THSD4: variants seen among roughly 807,000 people sequenced by gnomAD.
THSD4 encodes thrombospondin type-1 domain-containing protein 4.
THSD4 carries 69 observed loss-of-function variants against 119.0 expected under a neutral mutation model. The observed-to-expected ratio is 0.58, with a 90% CI of 0.48 to 0.71. The LOEUF (loss-of-function observed/expected upper bound fraction) is 0.71, where lower values mean the gene tolerates loss of function less well. Among genes scored for constraint, THSD4 ranks in the 30% least tolerant of loss-of-function variants. The pLI is 0.00. For synonymous variants in THSD4, 524 were observed against 540.4 expected (o/e 0.97, Z 0.42); for missense variants, 1,393 against 1,391.1 (o/e 1.00, Z -0.02).
At position 71,341,751 on chromosome 15, in the gene THSD4, T is replaced by C. The variant is rs377683723; in HGVS notation, c.1016-69936T>C. On this transcript the variant is annotated intron_variant, in intron 6 of 17. Transcript: ENST00000261862. Reference sequence around the variant, plus strand: ...CTCAGGCTGCTTAGGAAAAGAGCTCTCTCCCTTTTCTTCCTTTTTTCTCCT... The same window carrying C: ...CTCAGGCTGCTTAGGAAAAGAGCTCCCTCCCTTTTCTTCCTTTTTTCTCCT... 3.9e-4 allele frequency: 331 copies of C among 848,878 alleles called. 2 individuals carry two copies. In the African/African-American group the frequency reaches 5.0e-3, roughly 13 times the overall value. 52.6% of individuals were successfully genotyped at this position (848,878 alleles called of 1,614,324 possible). A position where few individuals can be genotyped will look rare whatever the true frequency, so the allele number is the denominator to read the frequency against.
chr15:71,451,899 G>A (rs558730569), intron 7 of THSD4, among the ~76,000 whole-genome samples: 6 of 152,136 alleles, frequency 3.9e-5, no homozygotes, highest in African/African-American at 7.2e-5. Context: ...GCTGCACTTC[G>A]CATTGCCTGG....
chr15:71,120,242 C>CA (rs1490281329), intron 1 of THSD4, among the ~76,000 whole-genome samples: 3 of 152,130 alleles, frequency 2.0e-5, no homozygotes, highest in Non-Finnish European at 4.4e-5. Flanking sequence ...TCCCCTTCCC[C>CA]AGCTTCCCTT....
intron 6 of THSD4, among the ~76,000 whole-genome samples, chr15:71,347,990 A>G (rs1028173595): frequency 6.6e-6 from 1 of 152,204 alleles, no homozygotes; most frequent in African/African-American, 2.4e-5. Context: ...CCATGGGTCT[A>G]TCCCTGTTGC....
At chr15:71,218,653 T>C (rs2043953667) in intron 4 of THSD4, among the ~76,000 whole-genome samples, 2 of 152,218 alleles carry the variant, frequency 1.3e-5, no homozygotes, top group Non-Finnish European at 2.9e-5. Context: ...TCCCGGCTGA[T>C]GAAAATCACA....
At chr15:71,696,266 A>G (rs1321605571) in intron 8 of THSD4, among the ~76,000 whole-genome samples, 1 of 152,214 alleles carries the variant, frequency 6.6e-6, no homozygotes. Flanking sequence ...AACATGGTGG[A>G]GAAGATCAGA....
chr15:71,413,059 T>C (rs181867013), intron 7 of THSD4, among the ~76,000 whole-genome samples: 1 of 152,350 alleles, frequency 6.6e-6, no homozygotes, highest in Non-Finnish European at 1.5e-5. Flanking sequence ...TTGCCCAGGC[T>C]GGAGTGCAGT....
intron 6 of THSD4, among the ~76,000 whole-genome samples, chr15:71,393,764 A>G (rs2140472785): frequency 6.6e-6 from 1 of 152,300 alleles, no homozygotes; most frequent in South Asian, 2.1e-4. Context: ...GAGGCATGAA[A>G]GAAGCCCCAG....
intron 7 of THSD4, among the ~76,000 whole-genome samples, chr15:71,613,081 A>C (rs2050259215): frequency 6.6e-6 from 1 of 152,218 alleles, no homozygotes; most frequent in African/African-American, 2.4e-5. Context: ...ATGCATTTTC[A>C]TTTGTTAATG....
intron 7 of THSD4, among the ~76,000 whole-genome samples, chr15:71,423,523 C>G (rs891252581): frequency 4.6e-5 from 7 of 152,200 alleles, no homozygotes; most frequent in South Asian, 2.1e-4. Flanking sequence ...GGCCTCAGGA[C>G]TTACCTGCTG....
chr15:71,448,245 C>T (rs530112129), intron 7 of THSD4, among the ~76,000 whole-genome samples: 3 of 152,316 alleles, frequency 2.0e-5, no homozygotes, highest in African/African-American at 4.8e-5. Flanking sequence ...TGTCCACATC[C>T]TCATTGAGAA....
In THSD4 at chr15:71,243,062, G is replaced by A. The variant is rs772315562; in HGVS notation, c.878G>A (p.Gly293Glu). Residue 293 changes from glycine to glutamate, a missense_variant, in exon 5 of 18, where the codon GGG becomes GAG. Transcript: ENST00000261862. ...CGATCTACAGCAATCTCATGCATCG[G>A]GGCCTATCGGCAGTACAAGCTGTGC... is the stretch of plus-strand genomic sequence containing the variant. ...PARSTAISCI[G>E]AYRQYKLCNT... 1.9e-6 allele frequency: 3 copies of A among 1,614,016 alleles called. No individual in the cohort carries two copies. The Admixed American group carries it at 5.0e-5, about 27-fold the overall frequency.
chr15:71,383,078 C>A (rs2046247950), intron 6 of THSD4, among the ~76,000 whole-genome samples: 1 of 152,110 alleles, frequency 6.6e-6, no homozygotes, highest in African/African-American at 2.4e-5. Context: ...TTTAAATTAA[C>A]CTGTTAGATT....
chr15:71,667,996 C>A (rs1486950100), intron 8 of THSD4, among the ~76,000 whole-genome samples: 1 of 152,060 alleles, frequency 6.6e-6, no homozygotes, highest in African/African-American at 2.4e-5. Flanking sequence ...AATATCATAT[C>A]ATGGGTATCT....
intron 17 of THSD4, among the ~76,000 whole-genome samples, chr15:71,776,008 A>C (rs28496444): frequency 6.6e-6 from 1 of 152,190 alleles, no homozygotes; most frequent in Non-Finnish European, 1.5e-5. Flanking sequence ...ATATACAAGG[A>C]AAAAAACAAG....
chr15:71,515,371 T>C lies in THSD4; in HGVS notation c.1152+103548T>C, dbSNP rs187881558. Among the ~76,000 whole-genome samples, 177 of 152,258 alleles carry C rather than the reference T, an allele frequency of 1.2e-3. 2 individuals carry two copies. Among genetic ancestry groups the C allele is most frequent in the Non-Finnish European group, 6.3e-4 (43 of 68,018 alleles). ...TAAAAATGTTAATTTGAAAACATGATTGATGTTTGAGTGTAGTAGAAAAAT... is the reference window on the plus strand; with the variant it reads ...TAAAAATGTTAATTTGAAAACATGACTGATGTTTGAGTGTAGTAGAAAAAT... On this transcript the variant is annotated intron_variant, in intron 7 of 17. Transcript: ENST00000261862.
rs558526873 is a variant in THSD4 at position 71,295,125 on chromosome 15, T to C, written c.1015+38410T>C. Among the ~76,000 whole-genome samples, 55 of 152,170 alleles carry C rather than the reference T, an allele frequency of 3.6e-4. No individual in the cohort carries two copies. The South Asian group carries it at 0.011, about 30-fold the overall frequency. ...AACAGATTGGGCTGGACATCTGTGG[T>C]TTCAGATTAGGCAGGAAGGAAATCA... On this transcript the variant is annotated intron_variant, in intron 6 of 17. Transcript: ENST00000261862.
chr15:71,382,617 T>A (rs1188777012), intron 6 of THSD4, among the ~76,000 whole-genome samples: 1 of 152,170 alleles, frequency 6.6e-6, no homozygotes, highest in East Asian at 1.9e-4. Context: ...ATAACTTTCC[T>A]CACCAAAAAC....
chr15:71,123,945 C>T (rs987861722), intron 1 of THSD4, among the ~76,000 whole-genome samples: 1 of 152,188 alleles, frequency 6.6e-6, no homozygotes, highest in South Asian at 2.1e-4. Context: ...TGGTCGCACT[C>T]TCTCTCACAT....
At chr15:71,145,371 G>A (rs624047) in intron 2 of THSD4, among the ~76,000 whole-genome samples, 14,703 of 152,130 alleles carry the variant, frequency 0.097, 1,896 homozygotes, top group African/African-American at 0.3. Flanking sequence ...GAGTTAGAAG[G>A]TGATTTTTAT....
Sources: allele counts gnomAD v4.1 joint callset (sites outside exome capture counted in the v4.1 genomes callset), GRCh38; gene constraint gnomAD v4.1.1; transcripts MANE v1.5; gene names NCBI Gene and HGNC (gene_info 2026-07-23, HGNC 2026-07-21).